The following TASOR2 variants were observed in gnomAD, a reference collection of about 807,000 sequenced individuals.
TASOR2 encodes the protein transcription activation suppressor family member 2.
Under a neutral mutation model 199.5 loss-of-function variants are expected in TASOR2, and 84 were observed. That is an observed-to-expected ratio of 0.42 (90% CI 0.35 to 0.50). The LOEUF (loss-of-function observed/expected upper bound fraction) is 0.50. Among genes scored for constraint, TASOR2 ranks in the 20% least tolerant of loss-of-function variants. The probability of loss-of-function intolerance (pLI) is 0.02; values close to 1 mark genes in which losing one functional copy is unlikely to be tolerated. For synonymous variants in TASOR2, 1,103 were observed against 1,046.6 expected (o/e 1.05, Z -1.04); for missense variants, 2,796 against 2,835.9 (o/e 0.99, Z 0.32).
At chr10:5,761,108 C>A in intron 18 of TASOR2, 182 bp from the exon 20 acceptor site, 1 of 548,114 alleles carries the variant, frequency 1.8e-6, no homozygotes, top group Non-Finnish European at 3.2e-6. Flanking sequence ...GTTTAAAATC[C>A]ACATTTACAA....
chr10:5,729,203 G>A (rs190152084), intron 10 of TASOR2, among the ~76,000 whole-genome samples: 1 of 152,108 alleles, frequency 6.6e-6, no homozygotes, highest in Admixed American at 6.5e-5. Flanking sequence ...ACAAAAATTA[G>A]TTAGGTGTGG....
In TASOR2 at chr10:5,720,802, G is replaced by A. The variant is rs1281733344; in HGVS notation, c.46+28G>A. 6.3e-7 allele frequency: 1 copy of A among 1,597,394 alleles called. No homozygotes were observed. ...AAGAAATAGTTCATTGATTCTTTTA[G>A]GTTTTTTTTTTCTTGAGTAAATGTT... On this transcript the variant is annotated intron_variant, in intron 5 of 20. Coordinates refer to ENST00000328090, the Ensembl canonical transcript of TASOR2. The surrounding 1 kb of genome is among the most constrained non-coding windows in gnomAD (Gnocchi z 5.3).
At chr10:5,712,372 T>C in intron 1 of TASOR2, 3 of 1,231,136 alleles carry the variant, frequency 2.4e-6, no homozygotes, top group Non-Finnish European at 3.0e-6. Context: ...ATAGCTGCGT[T>C]ATTTTTGTTT....
chr10:5,697,272 A>G (rs1837277243), intron 1 of TASOR2, among the ~76,000 whole-genome samples: 1 of 112,234 alleles, frequency 8.9e-6, no homozygotes, highest in Non-Finnish European at 1.9e-5. Flanking sequence ...GCATTTTAAC[A>G]AATTCAGGGA....
chr10:5,747,886 A>G (rs1837438919), exon 15 of TASOR2: 3 of 1,613,828 alleles, frequency 1.9e-6, no homozygotes, highest in Non-Finnish European at 2.5e-6. Context: ...TCATCCAGGA[A>G]GAACAGGTAG....
chr10:5,703,361 G>GT (rs1459787908), intron 1 of TASOR2, among the ~76,000 whole-genome samples: 1 of 151,914 alleles, frequency 6.6e-6, no homozygotes, highest in Non-Finnish European at 1.5e-5. Context: ...TAAGGCATAG[G>GT]TTTTTTTAAA....
chr10:5,720,427 A>C lies in TASOR2; in HGVS notation c.-99-117A>C. On this transcript the variant is annotated intron_variant, in intron 3 of 20. Coordinates refer to ENST00000328090, the Ensembl canonical transcript of TASOR2. The surrounding 1 kb of genome is among the most constrained non-coding windows in gnomAD (Gnocchi z 5.3). The stretch of plus-strand genomic sequence containing the variant: ...AGTTACCTGTGAATGAGTAACACCC[A>C]AGATATATTTCTGACTCTAATGTGT... 7.1e-7 allele frequency: 1 copy of C among 1,410,854 alleles called. No homozygotes were observed. The highest frequency in any genetic ancestry group is 9.2e-7 in the Non-Finnish European group (1 of 1,088,682). 87.4% of individuals were successfully genotyped at this position (1,410,854 alleles called of 1,614,324 possible). A position where few individuals can be genotyped will look rare whatever the true frequency, so the allele number is the denominator to read the frequency against.
chr10:5,731,965 G>C (rs1280442175), intron 11 of TASOR2, among the ~76,000 whole-genome samples: 2 of 152,240 alleles, frequency 1.3e-5, no homozygotes, highest in African/African-American at 4.8e-5. Flanking sequence ...CTGGGGCAGA[G>C]TTTCTAATCC....
Position 5,719,332 on chromosome 10 carries a change from G to T in TASOR2, c.-99-1212G>T, listed in dbSNP as rs892345091. ...TCATAATGGTAAACTTGGCTTACTT[G>T]CTTTTTATTTTTTTGTTTGTTTGTT... On this transcript the variant is annotated intron_variant, in intron 3 of 20. Coordinates refer to ENST00000328090, the Ensembl canonical transcript of TASOR2. This position sits in a 1 kb window ranked among gnomAD's most constrained non-coding sequence, Gnocchi z 4.1. 2.6e-5 allele frequency among the ~76,000 whole-genome samples: 4 copies of T among 151,670 alleles called. No homozygotes were observed. The highest frequency in any genetic ancestry group is 9.7e-5 in the African/African-American group (4 of 41,292).
intron 11 of TASOR2, among the ~76,000 whole-genome samples, chr10:5,733,048 A>T (rs537904488): frequency 1.6e-4 from 24 of 152,276 alleles, no homozygotes; most frequent in African/African-American, 5.8e-4. Context: ...GTTATCTATA[A>T]CTCAACATAA....
intron 1 of TASOR2, among the ~76,000 whole-genome samples, chr10:5,693,658 A>C (rs1836773569): frequency 6.6e-6 from 1 of 152,240 alleles, no homozygotes; most frequent in Non-Finnish European, 1.5e-5. Flanking sequence ...CAAAACCACA[A>C]CTATAACTGG....
chr10:5,762,883 A>C, intron 20 of TASOR2, 146 bp from the exon 22 acceptor site: 1 of 708,670 alleles, frequency 1.4e-6, no homozygotes. Context: ...GTGCATTTTC[A>C]CTTGCTGTTA....
At chr10:5,759,668 A>C (rs1011812780) in intron 18 of TASOR2, among the ~76,000 whole-genome samples, 1 of 152,276 alleles carries the variant, frequency 6.6e-6, no homozygotes, top group African/African-American at 2.4e-5. Flanking sequence ...AGAGTAGATA[A>C]CAAACATGAC....
intron 11 of TASOR2, among the ~76,000 whole-genome samples, chr10:5,731,477 G>A (rs530397188): frequency 1.2e-4 from 19 of 152,344 alleles, no homozygotes; most frequent in Middle Eastern, 3.4e-3. Context: ...GCAGTGAGCC[G>A]AGATCACGCC....
exon 11 of TASOR2, chr10:5,731,180 A>G (rs767757601): frequency 6.2e-7 from 1 of 1,603,992 alleles, no homozygotes; most frequent in South Asian, 1.1e-5. Context: ...GTTAAAGGAC[A>G]GTTTCCTCAG....
exon 15 of TASOR2, chr10:5,746,781 C>A: frequency 1.9e-6 from 3 of 1,614,174 alleles, no homozygotes; most frequent in Non-Finnish European, 2.5e-6. Flanking sequence ...GACAGAAGGG[C>A]ACTAAGTACC....
At position 5,689,339 on chromosome 10, in the gene TASOR2, C is replaced by T. The variant is rs1256025714; in HGVS notation, c.-288+4164C>T. 5.3e-5 allele frequency among the ~76,000 whole-genome samples: 8 copies of T among 152,272 alleles called. No individual in the cohort carries two copies. The highest frequency in any genetic ancestry group is 3.4e-3 in the Middle Eastern group (1 of 294). On this transcript the variant is annotated intron_variant, in intron 1 of 20. Coordinates refer to ENST00000328090, the Ensembl canonical transcript of TASOR2. The surrounding 1 kb of genome is among the most constrained non-coding windows in gnomAD (Gnocchi z 4.1). ...TGTATTGGCCGGGTGCGGTGGCTCA[C>T]GCCTGTAATCCCAGCACTTTGGGTG...
chr10:5,735,969 A>G (rs1054513205), intron 12 of TASOR2, among the ~76,000 whole-genome samples: 2 of 152,160 alleles, frequency 1.3e-5, no homozygotes, highest in Admixed American at 1.3e-4. Flanking sequence ...AGAATCCTGT[A>G]TTTAGTTTTA....
chr10:5,717,906 A>T (rs907778598), intron 3 of TASOR2, among the ~76,000 whole-genome samples, 156 bp downstream of exon 4: 4 of 152,198 alleles, frequency 2.6e-5, no homozygotes, highest in African/African-American at 9.6e-5. Context: ...CTTTAAAAAG[A>T]AAACTTTGAT....
Sources: allele counts gnomAD v4.1 joint callset (sites outside exome capture counted in the v4.1 genomes callset), GRCh38; gene constraint gnomAD v4.1.1; non-coding constraint Gnocchi (gnomAD v3.1); transcripts MANE v1.5; gene names NCBI Gene and HGNC (gene_info 2026-07-23, HGNC 2026-07-21).